Variants in MACROD2 observed in about 807,000 individuals in gnomAD.
MACROD2 encodes mono-ADP ribosylhydrolase 2, also known as ADP-ribose glycohydrolase MACROD2.
Under a neutral mutation model 70.4 loss-of-function variants are expected in MACROD2, and 36 were observed. That is an observed-to-expected ratio of 0.51 (90% CI 0.39 to 0.68). The LOEUF is 0.68. Ranked by LOEUF, MACROD2 falls within the 30% of genes least tolerant of loss-of-function variation. The pLI is 0.00. For missense variants in MACROD2, 496 were observed against 538.4 expected, an observed-to-expected ratio of 0.92 and a Z score of 0.78; for synonymous variants, 172 against 178.8, an observed-to-expected ratio of 0.96 and a Z score of 0.30.
chr20:14,849,604 A>G (rs2073177581), intron 5 of MACROD2, among the ~76,000 whole-genome samples: 1 of 152,042 alleles, frequency 6.6e-6, no homozygotes, highest in Non-Finnish European at 1.5e-5. Context: ...ACACGGTGAA[A>G]CCCCGTCTCT....
intron 8 of MACROD2, among the ~76,000 whole-genome samples, chr20:15,704,140 GTTTATTTA>G (rs145830062): frequency 1.5e-4 from 23 of 151,110 alleles, no homozygotes; most frequent in African/African-American, 2.2e-4. Context: ...ATGTTTGTTT[GTTTATTTA>G]TTTATTTATT....
At chr20:14,806,955 A>T (rs2072646650) in intron 5 of MACROD2, among the ~76,000 whole-genome samples, 1 of 152,134 alleles carries the variant, frequency 6.6e-6, no homozygotes. Context: ...GGGCTTATAG[A>T]TAAAACTCTC....
intron 6 of MACROD2, among the ~76,000 whole-genome samples, chr20:15,245,282 CAT>C (rs2146015293): frequency 6.6e-6 from 1 of 152,242 alleles, no homozygotes; most frequent in East Asian, 1.9e-4. Flanking sequence ...AGGATGATGA[CAT>C]ATTGCAGAAA....
At position 14,766,323 on chromosome 20, in the gene MACROD2, G is replaced by A. The variant is rs890076843; in HGVS notation, c.418+81364G>A. ...TTATTTACTCTGGCATGGTCCTTCT[G>A]TCTGTGATTGTAACTGCTCTGGCAC... On this transcript the variant is annotated intron_variant, in intron 5 of 17. Coordinates refer to ENST00000684519, the MANE Select transcript of MACROD2 (RefSeq NM_001351661.2). Among the ~76,000 whole-genome samples, 4 of 152,160 alleles carry A rather than the reference G, an allele frequency of 2.6e-5. No homozygotes were observed. The East Asian group carries it at 7.7e-4, about 29-fold the overall frequency.
intron 6 of MACROD2, among the ~76,000 whole-genome samples, chr20:15,322,810 T>C (rs1049279158): frequency 6.9e-6 from 1 of 144,148 alleles, no homozygotes; most frequent in Non-Finnish European, 1.6e-5. Context: ...CTTTTTATAA[T>C]AGAAGCATGA....
intron 8 of MACROD2, among the ~76,000 whole-genome samples, chr20:15,579,661 AG>A (rs2048497800): frequency 6.6e-6 from 1 of 152,238 alleles, no homozygotes; most frequent in South Asian, 2.1e-4. Context: ...AAAGCCTAAG[AG>A]GTAAAATATT....
At chr20:15,390,447 C>T (rs892770042) in intron 6 of MACROD2, among the ~76,000 whole-genome samples, 8 of 152,070 alleles carry the variant, frequency 5.3e-5, no homozygotes, top group Non-Finnish European at 1.2e-4. Context: ...TTTCTCTCAC[C>T]ACTAGAATCT....
intron 5 of MACROD2, among the ~76,000 whole-genome samples, chr20:14,908,079 C>CA (rs2073980705): frequency 6.6e-6 from 1 of 152,174 alleles, no homozygotes; most frequent in Non-Finnish European, 1.5e-5. Flanking sequence ...CACGGTGGCT[C>CA]ACGCCTGTAA....
At chr20:14,829,131 T>TC (rs1223010617) in intron 5 of MACROD2, among the ~76,000 whole-genome samples, 5 of 145,744 alleles carry the variant, frequency 3.4e-5, no homozygotes, top group Non-Finnish European at 7.6e-5. Context: ...CAGAACTATT[T>TC]TTTTTTTTTT....
chr20:15,492,987 T>G (rs926971312), intron 7 of MACROD2, among the ~76,000 whole-genome samples: 2 of 152,184 alleles, frequency 1.3e-5, no homozygotes, highest in African/African-American at 4.8e-5. Flanking sequence ...GGATTTATGA[T>G]TTCATAAAAT....
At chr20:14,953,249 T>A (rs2074489637) in intron 5 of MACROD2, among the ~76,000 whole-genome samples, 1 of 152,124 alleles carries the variant, frequency 6.6e-6, no homozygotes, top group Admixed American at 6.6e-5. Flanking sequence ...GGTTCCTGTC[T>A]CCCATAAAGT....
chr20:15,315,401 A>G lies in MACROD2; in HGVS notation c.540+85340A>G, dbSNP rs1413172289. Among the ~76,000 whole-genome samples the G allele has an allele frequency of 2.6e-5, 4 of 152,216 alleles. No homozygotes were observed. In the East Asian group the frequency reaches 7.7e-4, roughly 29 times the overall value. ...GAGACTCACGGTGAGACACATTATA[A>G]CCAAACTGTTAAACACTAGAAACAA... On this transcript the variant is annotated intron_variant, in intron 6 of 17. Transcript: ENST00000684519.
intron 6 of MACROD2, among the ~76,000 whole-genome samples, chr20:15,259,576 T>C (rs1209720385): frequency 6.6e-6 from 1 of 152,012 alleles, no homozygotes; most frequent in Non-Finnish European, 1.5e-5. Flanking sequence ...TCAGTTGTTT[T>C]TAAAGCCATA....
chr20:14,857,767 C>A (rs1465565484), intron 5 of MACROD2, among the ~76,000 whole-genome samples: 1 of 151,362 alleles, frequency 6.6e-6, no homozygotes, highest in Non-Finnish European at 1.5e-5. Flanking sequence ...ACAATTAATA[C>A]CTTTGTGGAG....
intron 6 of MACROD2, among the ~76,000 whole-genome samples, chr20:15,385,775 A>G (rs2045704596): frequency 6.6e-6 from 1 of 152,216 alleles, no homozygotes; most frequent in African/African-American, 2.4e-5. Context: ...AGTTAAATTC[A>G]GCCAACTTCG....
At chr20:15,502,354 T>C (rs951449818) in intron 8 of MACROD2, among the ~76,000 whole-genome samples, 6 of 152,042 alleles carry the variant, frequency 3.9e-5, no homozygotes, top group African/African-American at 1.2e-4. Flanking sequence ...TTGCTAGCAA[T>C]GATGAGACCC....
chr20:15,363,835 C>T (rs1044579836), intron 6 of MACROD2, among the ~76,000 whole-genome samples: 3 of 152,254 alleles, frequency 2.0e-5, no homozygotes, highest in South Asian at 2.1e-4. Context: ...ATTTTGCAAA[C>T]GGCTTCACGA....
intron 5 of MACROD2, among the ~76,000 whole-genome samples, chr20:14,903,229 C>T (rs111962396): frequency 1.7e-3 from 259 of 151,874 alleles, no homozygotes; most frequent in African/African-American, 5.6e-3. Flanking sequence ...TTAGTAGAGA[C>T]GGGGTTTCAC....
intron 8 of MACROD2, among the ~76,000 whole-genome samples, chr20:15,774,766 A>G (rs1318988482): frequency 6.6e-6 from 1 of 152,064 alleles, no homozygotes; most frequent in Non-Finnish European, 1.5e-5. Flanking sequence ...CATATTTTGC[A>G]TGACAGCAGT....
Sources: allele counts gnomAD v4.1 joint callset (sites outside exome capture counted in the v4.1 genomes callset), GRCh38; gene constraint gnomAD v4.1.1; transcripts MANE v1.5; gene names NCBI Gene and HGNC (gene_info 2026-07-23, HGNC 2026-07-21).